The following SLC26A3 variants were observed in gnomAD, a reference collection of about 807,000 sequenced individuals.
SLC26A3 encodes chloride anion exchanger.
SLC26A3 carries 64 observed loss-of-function variants against 85.6 expected under a neutral mutation model. The observed-to-expected ratio is 0.75, with a 90% CI of 0.61 to 0.92. The LOEUF is 0.92. Among genes scored for constraint, SLC26A3 ranks in the 40% least tolerant of loss-of-function variants. SLC26A3 has a pLI of 0.00. For missense variants in SLC26A3, 922 were observed against 927.3 expected, an observed-to-expected ratio of 0.99 and a Z score of 0.07; for synonymous variants, 349 against 336.0, an observed-to-expected ratio of 1.04 and a Z score of -0.42.
chr7:107,772,151 C>T (rs1263679709), intron 17 of SLC26A3, 43 bp from the exon 18 acceptor site: 2 of 1,129,896 alleles, frequency 1.8e-6, no homozygotes, highest in Admixed American at 3.4e-5. Context: ...AACAGTTTCA[C>T]TTGTCAGAAA....
intron 1 of SLC26A3, 37 bp from the exon 2 acceptor site, chr7:107,794,634 G>A: frequency 1.0e-6 from 1 of 1,001,830 alleles, no homozygotes; most frequent in South Asian, 1.3e-5. Flanking sequence ...AAATAACTCA[G>A]AGATAATGTG....
intron 8 of SLC26A3, among the ~76,000 whole-genome samples, 161 bp downstream of exon 8, chr7:107,786,666 A>G (rs1299709276): frequency 6.6e-6 from 1 of 151,296 alleles, no homozygotes; most frequent in Admixed American, 6.6e-5. Context: ...GCACCTTCCT[A>G]GAAGGAAAGC....
chr7:107,802,488 T>A (rs1195271154), intron 1 of SLC26A3, among the ~76,000 whole-genome samples: 1 of 152,132 alleles, frequency 6.6e-6, no homozygotes, highest in African/African-American at 2.4e-5. Flanking sequence ...CTTTCTAGGA[T>A]GTCTAGCAGA....
At chr7:107,795,056 T>C (rs1402087144) in intron 1 of SLC26A3, among the ~76,000 whole-genome samples, 1 of 152,230 alleles carries the variant, frequency 6.6e-6, no homozygotes, top group Non-Finnish European at 1.5e-5. Context: ...ATTGTGAAAT[T>C]CAAAGGTATT....
Position 107,773,917 on chromosome 7 carries a change from T to G in SLC26A3, c.2007+3A>C. 6.2e-7 allele frequency: 1 copy of G among 1,605,522 alleles called. No homozygotes were observed. Among genetic ancestry groups the G allele is most frequent in the South Asian group, 1.1e-5 (1 of 90,866 alleles). On this transcript the variant is annotated splice_donor_region_variant and intron_variant, in intron 17 of 20. Transcript: ENST00000340010. ...TTGTTTCCATTAAGAACAAAGAAAT[T>G]ACCGATTTAAGGCCCCTCACTGAAG...
rs61344002 is a variant in SLC26A3 at position 107,793,507 on chromosome 7, T to C, written c.271+235A>G. ...AAACCAGACACAAAGTGCCATGTAT[T>C]GTATTATTTCATTTGCATGAAATAT... On this transcript the variant is annotated intron_variant, in intron 3 of 20. Transcript: ENST00000340010. 0.21 allele frequency among the ~76,000 whole-genome samples: 31,383 copies of C among 152,146 alleles called. 3,840 individuals are homozygous for C. The highest frequency in any genetic ancestry group is 0.61 in the East Asian group (3,156 of 5,174).
chr7:107,784,942 T>C (rs1794268631), intron 8 of SLC26A3, among the ~76,000 whole-genome samples: 5 of 152,200 alleles, frequency 3.3e-5, no homozygotes, highest in African/African-American at 7.2e-5. Flanking sequence ...GCAAAATAAC[T>C]ACTAAGGTGG....
intron 3 of SLC26A3, among the ~76,000 whole-genome samples, chr7:107,792,611 T>G (rs955020966): frequency 2.6e-5 from 4 of 152,102 alleles, no homozygotes; most frequent in African/African-American, 9.7e-5. Context: ...CAGGTGAGGC[T>G]TCATTTGCTC....
chr7:107,783,151 G>A lies in SLC26A3; in HGVS notation c.1119+54C>T, dbSNP rs1486740350. The A allele has an allele frequency of 3.1e-6, 5 of 1,612,912 alleles. No individual in the cohort carries two copies. The Admixed American group carries it at 6.7e-5, about 22-fold the overall frequency. On this transcript the variant is annotated intron_variant, in intron 9 of 20. Transcript: ENST00000340010. ...AAGTGGCACCATTGATATTATGTGT[G>A]CAAAATATTATTTAAAGTTGCCCAG...
At position 107,783,949 on chromosome 7, in the gene SLC26A3, C is replaced by T. The variant is rs867314801; in HGVS notation, c.972-597G>A. On this transcript the variant is annotated intron_variant, in intron 8 of 20. Transcript: ENST00000340010. ...TCAGAGAAACCTTCAACTCACAGGG[C>T]GTACTTCTGTGCTTAAGCCTCATGA... is the stretch of plus-strand genomic sequence containing the variant. Among the ~76,000 whole-genome samples, 10 of 152,274 alleles carry T rather than the reference C, an allele frequency of 6.6e-5. 1 individual carries two copies. The highest frequency in any genetic ancestry group is 6.8e-3 in the Middle Eastern group (2 of 294).
Position 107,776,693 on chromosome 7 carries a change from T to C in SLC26A3, c.1528A>G (p.Thr510Ala). 3 of 1,613,672 alleles carry C rather than the reference T, an allele frequency of 1.9e-6. No homozygotes were observed. The highest frequency in any genetic ancestry group is 2.5e-6 in the Non-Finnish European group (3 of 1,179,920). The stretch of plus-strand genomic sequence containing the variant: ...TTGGTTCTTCCAATATTAGCCAGCG[T>C]GCTGCATTTTGGACTGTAGGGAGAA... The part of the protein sequence containing the change: ...VFRTQFPKCS[T>A]LANIGRTNIY... Residue 510 changes from threonine (T) to alanine (A), a missense_variant, in exon 14 of 21, where the codon ACG (threonine) becomes GCG (alanine). Thr to Ala is a moderately conservative substitution (Grantham distance 58). Coordinates refer to ENST00000340010, the MANE Select transcript of SLC26A3 (RefSeq NM_000111.3).
intron 15 of SLC26A3, 53 bp downstream of exon 15, chr7:107,776,399 C>A: frequency 7.3e-7 from 1 of 1,361,446 alleles, no homozygotes; most frequent in Non-Finnish European, 1.0e-6. Context: ...CAATGACATT[C>A]CCAGAATTCA....
At chr7:107,798,112 C>T (rs186366023) in intron 1 of SLC26A3, among the ~76,000 whole-genome samples, 5 of 151,918 alleles carry the variant, frequency 3.3e-5, no homozygotes, top group African/African-American at 9.7e-5. Flanking sequence ...TTCCCTACGA[C>T]GTGCTTTTTA....
chr7:107,767,987 C>T (rs2115784263), intron 18 of SLC26A3, 79 bp from the exon 19 acceptor site: 1 of 1,364,098 alleles, frequency 7.3e-7, no homozygotes, highest in East Asian at 2.3e-5. Context: ...AGTAATTTCA[C>T]CTTCCATTTG....
intron 8 of SLC26A3, among the ~76,000 whole-genome samples, chr7:107,783,877 A>G (rs1433722244): frequency 6.6e-6 from 1 of 152,234 alleles, no homozygotes; most frequent in Non-Finnish European, 1.5e-5. Context: ...TGCTAGAGAC[A>G]ACCATGACCC....
At chr7:107,793,604 T>A in intron 3 of SLC26A3, 138 bp downstream of exon 3, 1 of 662,800 alleles carries the variant, frequency 1.5e-6, no homozygotes, top group Non-Finnish European at 2.6e-6. Flanking sequence ...TTTTAGGGGT[T>A]GGTGGTGGTG....
At chr7:107,785,728 A>G (rs1794282364) in intron 8 of SLC26A3, among the ~76,000 whole-genome samples, 1 of 152,198 alleles carries the variant, frequency 6.6e-6, no homozygotes, top group South Asian at 2.1e-4. Flanking sequence ...GTAACACACG[A>G]AGATCTGGTA....
intron 1 of SLC26A3, 104 bp from the exon 2 acceptor site, chr7:107,794,701 A>G: frequency 6.4e-6 from 4 of 624,382 alleles, no homozygotes; most frequent in Non-Finnish European, 1.1e-5. Context: ...TTAAGATCAA[A>G]AAAGGCAGGA....
chr7:107,776,591 G>C, intron 14 of SLC26A3, 46 bp downstream of exon 14: 1 of 1,605,478 alleles, frequency 6.2e-7, no homozygotes, highest in Non-Finnish European at 8.5e-7. Flanking sequence ...TAGATCCATA[G>C]TTAATATCAT....
Sources: allele counts gnomAD v4.1 joint callset (sites outside exome capture counted in the v4.1 genomes callset), GRCh38; gene constraint gnomAD v4.1.1; transcripts MANE v1.5; gene names NCBI Gene and HGNC (gene_info 2026-07-23, HGNC 2026-07-21).